CUL5: variants seen among roughly 807,000 people sequenced by gnomAD.
CUL5 encodes cullin 5.
Under a neutral mutation model 108.8 loss-of-function variants are expected in CUL5, and 26 were observed. The ratio of observed to expected loss-of-function variants is 0.24; its 90% CI spans 0.18 to 0.33. CUL5 has a LOEUF of 0.33. CUL5 is among the 10% of genes least tolerant of loss of function. The pLI is 1.00. For synonymous variants in CUL5, 334 were observed against 298.0 expected, an observed-to-expected ratio of 1.12 and a Z score of -1.25; for missense variants, 524 against 909.2, an observed-to-expected ratio of 0.58 and a Z score of 5.45.
At chr11:108,027,423 C>A (rs1444637366) in intron 1 of CUL5, among the ~76,000 whole-genome samples, 1 of 152,050 alleles carries the variant, frequency 6.6e-6, no homozygotes, top group Non-Finnish European at 1.5e-5. Flanking sequence ...TGGGGCCTAC[C>A]ACCACACCCA....
chr11:108,065,186 C>T (rs535146509), intron 7 of CUL5, among the ~76,000 whole-genome samples: 26 of 152,024 alleles, frequency 1.7e-4, no homozygotes, highest in African/African-American at 3.6e-4. Context: ...CCACCACACC[C>T]GGCTAATTTT....
At chr11:108,057,994 T>C (rs1470937537) in intron 7 of CUL5, among the ~76,000 whole-genome samples, 2 of 151,976 alleles carry the variant, frequency 1.3e-5, no homozygotes, top group East Asian at 3.9e-4. Flanking sequence ...GCAGATCATG[T>C]GGTCAGGAGT....
intron 1 of CUL5, among the ~76,000 whole-genome samples, chr11:108,029,267 G>A (rs1862521680): frequency 6.6e-6 from 1 of 152,108 alleles, no homozygotes; most frequent in African/African-American, 2.4e-5. Context: ...CGGCCCATTT[G>A]TGTGAGAAGA....
intron 2 of CUL5, among the ~76,000 whole-genome samples, chr11:108,036,468 C>A (rs564541844): frequency 6.6e-6 from 1 of 152,214 alleles, no homozygotes; most frequent in African/African-American, 2.4e-5. Context: ...CAACCCCCCA[C>A]TTTACTTTAA....
At chr11:108,084,623 A>G (rs1864179271) in intron 11 of CUL5, among the ~76,000 whole-genome samples, 2 of 152,248 alleles carry the variant, frequency 1.3e-5, no homozygotes, top group African/African-American at 4.8e-5. Flanking sequence ...ATTCAGTACA[A>G]CATTACTAGT....
At chr11:108,049,787 A>C (rs1863164385) in intron 3 of CUL5, 103 bp from the exon 4 acceptor site, 2 of 909,668 alleles carry the variant, frequency 2.2e-6, no homozygotes, top group South Asian at 3.3e-5. Context: ...GAGCTTGTAC[A>C]ATAATTTAAA....
Position 108,088,596 on chromosome 11 carries a change from A to C in CUL5, c.1248A>C (p.Leu416=), listed in dbSNP as rs775007674. 3.7e-6 allele frequency: 6 copies of C among 1,613,004 alleles called. No homozygotes were observed. Among genetic ancestry groups the C allele is most frequent in the Middle Eastern group, 1.7e-4 (1 of 6,060 alleles). Residue 416 remains leucine, a synonymous_variant, in exon 12 of 19, where the codon CTA becomes CTC. Coordinates refer to ENST00000393094, the MANE Select transcript of CUL5 (RefSeq NM_003478.6). ...ELLANYCDML[L]RKTPLSKKLT... ...TTGCCAATTACTGTGACATGTTGCTAAGAAAAACACCATTAAGCAAAAAAC... is the reference window on the plus strand; with the variant it reads ...TTGCCAATTACTGTGACATGTTGCTCAGAAAAACACCATTAAGCAAAAAAC...
At chr11:108,074,208 T>TC (rs1863892630) in intron 10 of CUL5, 1 of 149,484 alleles carries the variant, frequency 6.7e-6, no homozygotes, top group Non-Finnish European at 1.5e-5. Context: ...TTTTTTTTTT[T>TC]TTTGAGACTG....
chr11:108,009,709 C>T (rs1489532171), intron 1 of CUL5, among the ~76,000 whole-genome samples: 1 of 152,184 alleles, frequency 6.6e-6, no homozygotes, highest in African/African-American at 2.4e-5. Context: ...ACTGTTAGGT[C>T]TCAGTTTCTT....
At chr11:108,028,180 A>C (rs974972573) in intron 1 of CUL5, among the ~76,000 whole-genome samples, 1 of 152,198 alleles carries the variant, frequency 6.6e-6, no homozygotes, top group African/African-American at 2.4e-5. Context: ...TTTTCATATG[A>C]ATGTATAATA....
rs200991204 is a variant in CUL5, at chr11:108,048,648, CTTTTTTTTTTTTTTT to C, written c.235-1220_235-1206del. Among the ~76,000 whole-genome samples the C allele has an allele frequency of 1.0e-4, 12 of 116,868 alleles. 1 individual carries two copies. The highest frequency in any genetic ancestry group is 1.9e-4 in the African/African-American group (5 of 25,852). The allele number at this position is 116,868 out of a possible 152,430, so 76.7% of individuals were successfully genotyped here. On this transcript the variant is annotated intron_variant, in intron 3 of 18. Transcript: ENST00000393094. ...ATAGTGGGGAAATAGACTCCACCAC[CTTTTTTTTTTTTTTT>C]TTTTTTTTTTTTTTTTTTTTTGAGG... is the stretch of plus-strand genomic sequence containing the variant.
chr11:108,021,994 A>G (rs576084336), intron 1 of CUL5, among the ~76,000 whole-genome samples: 4 of 151,706 alleles, frequency 2.6e-5, no homozygotes, highest in Admixed American at 1.3e-4. Context: ...ATCTGTATCT[A>G]TCTACCTATC....
chr11:108,083,633 T>G (rs987264452), intron 11 of CUL5, among the ~76,000 whole-genome samples: 6 of 152,142 alleles, frequency 3.9e-5, no homozygotes, highest in African/African-American at 1.2e-4. Context: ...CTACAAAATG[T>G]TTTAAAAATT....
At chr11:108,011,372 A>C (rs539579634) in intron 1 of CUL5, among the ~76,000 whole-genome samples, 1 of 152,224 alleles carries the variant, frequency 6.6e-6, no homozygotes, top group East Asian at 1.9e-4. Flanking sequence ...GAAATTCTGA[A>C]TCTACATCCA....
chr11:108,098,081 T>C (rs1163057529), intron 17 of CUL5, among the ~76,000 whole-genome samples: 1 of 152,156 alleles, frequency 6.6e-6, no homozygotes, highest in Non-Finnish European at 1.5e-5. Context: ...TTTTTGTTTT[T>C]GTTTGTTAAG....
intron 1 of CUL5, among the ~76,000 whole-genome samples, chr11:108,017,389 CAAAAAAA>C (rs71840119): frequency 2.9e-5 from 3 of 102,920 alleles, no homozygotes; most frequent in East Asian, 2.6e-4. Flanking sequence ...GACCCTGTCT[CAAAAAAA>C]AAAAAAAAAA....
intron 2 of CUL5, among the ~76,000 whole-genome samples, chr11:108,045,808 C>G (rs1025081834): frequency 6.6e-6 from 1 of 151,922 alleles, no homozygotes; most frequent in South Asian, 2.1e-4. Context: ...TGCAGTGAGC[C>G]GTGATTGTGC....
At chr11:108,025,890 T>C (rs554252391) in intron 1 of CUL5, among the ~76,000 whole-genome samples, 1 of 152,318 alleles carries the variant, frequency 6.6e-6, no homozygotes, top group South Asian at 2.1e-4. Context: ...TGATGAGGCC[T>C]GGAGACACTC....
rs1344487723 is a variant in CUL5, at chr11:108,008,902, G to C, written c.-447G>C. ...GGCTCCCACGCTCGCTCCCGAGCGC[G>C]TCCCCGCCCTCGCGTCACGTGACGT... On this transcript the variant is annotated 5_prime_UTR_variant, in exon 1 of 19. Transcript: ENST00000393094. 6.1e-6 allele frequency: 1 copy of C among 163,166 alleles called. No individual in the cohort carries two copies. Among genetic ancestry groups the C allele is most frequent in the Non-Finnish European group, 1.3e-5 (1 of 74,910 alleles). 10.1% of individuals were successfully genotyped at this position (163,166 alleles called of 1,614,324 possible).
Sources: allele counts gnomAD v4.1 joint callset (sites outside exome capture counted in the v4.1 genomes callset), GRCh38; gene constraint gnomAD v4.1.1; transcripts MANE v1.5; gene names NCBI Gene and HGNC (gene_info 2026-07-23, HGNC 2026-07-21).